THRB: variants seen among roughly 807,000 people sequenced by gnomAD.
THRB encodes nuclear receptor subfamily 1 group A member 2.
THRB carries 12 observed loss-of-function variants against 47.8 expected under a neutral mutation model. That is an observed-to-expected ratio of 0.25 (90% CI 0.16 to 0.41). THRB has a LOEUF of 0.41. THRB is among the 10% of genes least tolerant of loss of function. The pLI, the probability that THRB is intolerant of heterozygous loss-of-function variation, is 1.00. For synonymous variants in THRB, 218 were observed against 212.2 expected, an observed-to-expected ratio of 1.03 and a Z score of -0.24; for missense variants, 348 against 589.2, an observed-to-expected ratio of 0.59 and a Z score of 4.24.
intron 2 of THRB, among the ~76,000 whole-genome samples, chr3:24,308,785 T>C (rs2057539592): frequency 6.6e-6 from 1 of 152,222 alleles, no homozygotes; most frequent in Non-Finnish European, 1.5e-5. Context: ...TCTATAATTA[T>C]TTGAATTGGA....
At chr3:24,347,557 A>C (rs1362823986) in intron 1 of THRB, among the ~76,000 whole-genome samples, 1 of 151,234 alleles carries the variant, frequency 6.6e-6, no homozygotes, top group Non-Finnish European at 1.5e-5. Context: ...AAAAATAATA[A>C]ATAATAAAAA....
intron 3 of THRB, among the ~76,000 whole-genome samples, chr3:24,264,477 T>G (rs909810121): frequency 1.3e-5 from 2 of 152,134 alleles, no homozygotes; most frequent in Non-Finnish European, 2.9e-5. Context: ...TGGAAAAGCT[T>G]TCTTTATATG....
chr3:24,165,117 C>T (rs1191733493), intron 5 of THRB: 3 of 765,018 alleles, frequency 3.9e-6, no homozygotes, highest in Non-Finnish European at 7.2e-6. Flanking sequence ...TGATTCAGGG[C>T]CATGTCCAAG....
chr3:24,459,272 T>C (rs775870417), intron 1 of THRB: 3 of 152,246 alleles, frequency 2.0e-5, no homozygotes, highest in Non-Finnish European at 2.9e-5. Context: ...GCTTCATCCA[T>C]GTCCCTGCAA....
chr3:24,240,999 G>C (rs192887813), intron 3 of THRB, among the ~76,000 whole-genome samples: 2 of 152,224 alleles, frequency 1.3e-5, no homozygotes, highest in East Asian at 3.9e-4. Flanking sequence ...GCTTACTCTG[G>C]CCAACACGTC....
chr3:24,280,616 G>C (rs1341668483), intron 3 of THRB, among the ~76,000 whole-genome samples: 1 of 152,266 alleles, frequency 6.6e-6, no homozygotes, highest in South Asian at 2.1e-4. Flanking sequence ...AGAGAAGAAG[G>C]CTTCAGACGA....
chr3:24,481,063 G>A (rs1435525279), intron 1 of THRB, among the ~76,000 whole-genome samples: 2 of 152,100 alleles, frequency 1.3e-5, no homozygotes, highest in Non-Finnish European at 2.9e-5. Context: ...TTTGCCGTAA[G>A]CCATTCTTAA....
At chr3:24,141,305 T>C (rs2035411861) in intron 8 of THRB, among the ~76,000 whole-genome samples, 1 of 152,228 alleles carries the variant, frequency 6.6e-6, no homozygotes, top group Non-Finnish European at 1.5e-5. Context: ...TGACTAGATA[T>C]TGTGACCACA....
intron 1 of THRB, among the ~76,000 whole-genome samples, chr3:24,439,309 G>A (rs1560189493): frequency 6.6e-6 from 1 of 152,162 alleles, no homozygotes; most frequent in Non-Finnish European, 1.5e-5. Flanking sequence ...TGTTAAGGGG[G>A]CCTGGGTGGG....
chr3:24,455,316 T>C (rs2073061876), intron 1 of THRB: 1 of 152,050 alleles, frequency 6.6e-6, no homozygotes, highest in Admixed American at 6.6e-5. Flanking sequence ...CAGCATAAAA[T>C]TCTTTTCCAC....
intron 3 of THRB, among the ~76,000 whole-genome samples, chr3:24,244,579 T>A (rs976418468): frequency 2.0e-5 from 3 of 152,266 alleles, no homozygotes; most frequent in South Asian, 2.1e-4. Context: ...GGCCTCCAGG[T>A]CAGTTTTGGA....
chr3:24,195,250 T>G (rs1206148290), intron 4 of THRB, among the ~76,000 whole-genome samples: 1 of 152,188 alleles, frequency 6.6e-6, no homozygotes, highest in African/African-American at 2.4e-5. Context: ...ACACTTTATC[T>G]TCACAAACAT....
intron 1 of THRB, among the ~76,000 whole-genome samples, chr3:24,493,290 T>C (rs1005160388): frequency 6.6e-6 from 1 of 152,258 alleles, no homozygotes; most frequent in African/African-American, 2.4e-5. Flanking sequence ...GAATGAATCA[T>C]GAACACGTTA....
intron 3 of THRB, among the ~76,000 whole-genome samples, chr3:24,262,708 A>G (rs998485455): frequency 1.3e-5 from 2 of 152,154 alleles, no homozygotes; most frequent in African/African-American, 4.8e-5. Context: ...CTAATCACCC[A>G]TTTAAATTAC....
chr3:24,482,538 C>CTCTCT (rs1696624544), intron 1 of THRB, among the ~76,000 whole-genome samples: 109 of 130,988 alleles, frequency 8.3e-4, no homozygotes, highest in African/African-American at 3.1e-3. Flanking sequence ...TTTCTGTCTC[C>CTCTCT]CTCTCTCTCT....
chr3:24,154,802 T>C lies in THRB; in HGVS notation c.284-2312A>G, dbSNP rs62255838. On this transcript the variant is annotated intron_variant, in intron 5 of 10. Transcript: ENST00000646209. ...CTGAACCTCTTATACCTCGAGGTTA[T>C]ACACAATTAATCCAACAGAATGAAG... Among the ~76,000 whole-genome samples the C allele has an allele frequency of 6.5e-3, 995 of 152,326 alleles. 9 individuals carry two copies. Among genetic ancestry groups the C allele is most frequent in the South Asian group, 0.059 (284 of 4,822 alleles).
intron 5 of THRB, among the ~76,000 whole-genome samples, chr3:24,176,479 GC>G (rs1224973394): frequency 6.6e-6 from 1 of 152,094 alleles, no homozygotes; most frequent in African/African-American, 2.4e-5. Flanking sequence ...CATTTACTTT[GC>G]TTTTTCACCC....
chr3:24,479,716 T>C (rs1048143082), intron 1 of THRB, among the ~76,000 whole-genome samples: 1 of 152,124 alleles, frequency 6.6e-6, no homozygotes, highest in African/African-American at 2.4e-5. Context: ...AAAGTCCAAA[T>C]GAGGCCAACA....
chr3:24,258,887 C>T (rs1175627127), intron 3 of THRB, among the ~76,000 whole-genome samples: 1 of 152,170 alleles, frequency 6.6e-6, no homozygotes, highest in Non-Finnish European at 1.5e-5. Flanking sequence ...CAGCTCTTAA[C>T]CTCTCAGAAG....
Sources: gnomAD v4.1 joint callset for allele counts (sites outside exome capture counted in the v4.1 genomes callset) on GRCh38, gnomAD v4.1.1 for gene constraint, MANE v1.5 for transcripts, NCBI Gene and HGNC (gene_info 2026-07-23, HGNC 2026-07-21) for gene names.